Variants in OR2L13 observed in about 807,000 individuals in gnomAD.
OR2L13 encodes olfactory receptor family 2 subfamily L member 13.
OR2L13 carries 14 observed loss-of-function variants against 15.3 expected under a neutral mutation model. The observed-to-expected ratio is 0.91, with a 90% confidence interval of 0.60 to 1.43. OR2L13 has a LOEUF of 1.43. Among genes scored for constraint, OR2L13 ranks in the 40% most tolerant of loss-of-function variants. The probability of loss-of-function intolerance (pLI) is 0.00; values close to 1 mark genes in which losing one functional copy is unlikely to be tolerated. For missense variants in OR2L13, 367 were observed against 387.9 expected, an observed-to-expected ratio of 0.95 and a Z score of 0.45; for synonymous variants, 152 against 142.9, an observed-to-expected ratio of 1.06 and a Z score of -0.45.
At chr1:247,963,640 A>G in the OR2L13 span, among the ~76,000 whole-genome samples, 2 of 152,172 alleles carry the variant, frequency 1.3e-5, no homozygotes, top group East Asian at 1.9e-4. Flanking sequence ...TAATTTTGGC[A>G]TAGTTATAAG....
At chr1:248,036,868 T>C in the OR2L13 span, among the ~76,000 whole-genome samples, 1 of 152,142 alleles carries the variant, frequency 6.6e-6, no homozygotes, top group East Asian at 1.9e-4. Flanking sequence ...ACTTTATGGA[T>C]CTTAACAAAA....
At chr1:247,999,481 A>G in the OR2L13 span, among the ~76,000 whole-genome samples, 6 of 152,182 alleles carry the variant, frequency 3.9e-5, no homozygotes, top group African/African-American at 1.4e-4. Flanking sequence ...TGAAAGAGTT[A>G]TGGTTCTCCA....
the OR2L13 span, among the ~76,000 whole-genome samples, chr1:247,960,656 C>T: frequency 2.6e-5 from 4 of 152,200 alleles, no homozygotes; most frequent in African/African-American, 4.8e-5. Flanking sequence ...ACCCCTCCCC[C>T]AGCCTCGCTG....
chr1:247,973,840 T>C, the OR2L13 span, among the ~76,000 whole-genome samples: 2 of 152,166 alleles, frequency 1.3e-5, no homozygotes. Context: ...GGAGTGTAAA[T>C]TAGTTCAACC....
the OR2L13 span, chr1:248,063,175 G>T: frequency 6.6e-6 from 1 of 152,176 alleles, no homozygotes; most frequent in African/African-American, 2.4e-5. Flanking sequence ...TGAATCTGTA[G>T]TTTGGTTATT....
At chr1:248,054,799 G>C in the OR2L13 span, among the ~76,000 whole-genome samples, 2 of 152,212 alleles carry the variant, frequency 1.3e-5, 1 homozygote, top group East Asian at 3.8e-4. Flanking sequence ...TTTGTATCCT[G>C]AGAGTTTGAT....
At chr1:247,956,132 G>A in the OR2L13 span, among the ~76,000 whole-genome samples, 6 of 149,850 alleles carry the variant, frequency 4.0e-5, no homozygotes, top group Non-Finnish European at 7.4e-5. Flanking sequence ...AAGGTGTAAG[G>A]AAGGGATCCA....
At chr1:248,039,064 C>A in the OR2L13 span, 2 of 1,614,026 alleles carry the variant, frequency 1.2e-6, no homozygotes, top group Non-Finnish European at 1.7e-6. Flanking sequence ...TCCCTGCGAT[C>A]TCCAACAGAG....
the OR2L13 span, chr1:247,990,331 T>C: frequency 2.9e-6 from 4 of 1,401,328 alleles, no homozygotes; most frequent in Non-Finnish European, 4.0e-6. Context: ...CCACCAAAAA[T>C]TGGCCATTTC....
chr1:248,020,620 A>G, the OR2L13 span, among the ~76,000 whole-genome samples: 10 of 152,260 alleles, frequency 6.6e-5, no homozygotes, highest in Admixed American at 2.0e-4. Flanking sequence ...ATGAACATTT[A>G]ATGGTGGCAG....
the OR2L13 span, among the ~76,000 whole-genome samples, chr1:248,017,658 A>T: frequency 6.6e-6 from 1 of 151,796 alleles, no homozygotes; most frequent in Non-Finnish European, 1.5e-5. Context: ...GGGTGAGGAG[A>T]TGGGGGTCCA....
the OR2L13 span, among the ~76,000 whole-genome samples, chr1:247,959,456 G>A: frequency 5.9e-5 from 9 of 152,118 alleles, no homozygotes; most frequent in East Asian, 7.7e-4. Flanking sequence ...TCTTTGTGGC[G>A]TTCTGTGTAT....
chr1:247,987,990 T>G, the OR2L13 span, among the ~76,000 whole-genome samples: 1 of 152,296 alleles, frequency 6.6e-6, no homozygotes, highest in Admixed American at 6.5e-5. Flanking sequence ...TCTCAAAAAC[T>G]TAATATTTTA....
chr1:248,061,377 G>A, the OR2L13 span: 2 of 1,614,068 alleles, frequency 1.2e-6, no homozygotes, highest in Non-Finnish European at 1.7e-6. Context: ...CTGCAGAAGG[G>A]AGGAAGAAAG....
At chr1:247,965,836 A>G in the OR2L13 span, 4 of 1,613,386 alleles carry the variant, frequency 2.5e-6, no homozygotes, top group East Asian at 2.2e-5. Flanking sequence ...CAGTGGTTCT[A>G]TCAATGCTTT....
At chr1:247,999,257 C>T in the OR2L13 span, among the ~76,000 whole-genome samples, 2 of 152,114 alleles carry the variant, frequency 1.3e-5, no homozygotes, top group Non-Finnish European at 2.9e-5. Flanking sequence ...CCCAGTGAAG[C>T]AGAGTAAGCA....
upstream of OR2L13, among the ~76,000 whole-genome samples, chr1:248,091,716 G>A (rs549517606): frequency 3.9e-5 from 6 of 152,162 alleles, 2 homozygotes; most frequent in South Asian, 6.2e-4. Flanking sequence ...CAAGTAATGC[G>A]ATGTCTCCAG....
chr1:248,070,914 A>G, the OR2L13 span, among the ~76,000 whole-genome samples: 1 of 152,232 alleles, frequency 6.6e-6, no homozygotes, highest in Non-Finnish European at 1.5e-5. Flanking sequence ...CACCCTCCCA[A>G]GACTAAACCA....
the OR2L13 span, chr1:248,061,290 C>T: frequency 6.2e-7 from 1 of 1,607,868 alleles, no homozygotes; most frequent in Non-Finnish European, 8.5e-7. Context: ...TGAGCACCAC[C>T]ATCTTTCTCG....
Sources: allele counts gnomAD v4.1 joint callset (sites outside exome capture counted in the v4.1 genomes callset), GRCh38; gene constraint gnomAD v4.1.1; transcripts MANE v1.5; gene names NCBI Gene and HGNC (gene_info 2026-07-23, HGNC 2026-07-21).